The following CPLANE1 variants were observed in gnomAD, a reference collection of about 807,000 sequenced individuals.
CPLANE1 encodes ciliogenesis and planar polarity effector complex subunit 1, also known as ciliogenesis and planar polarity effector 1.
CPLANE1 carries 263 observed loss-of-function variants against 362.5 expected under a neutral mutation model. The observed-to-expected ratio is 0.73, with a 90% confidence interval of 0.66 to 0.80. The LOEUF is 0.80. Among genes scored for constraint, CPLANE1 ranks in the 30% least tolerant of loss-of-function variants. The pLI, the probability that CPLANE1 is intolerant of heterozygous loss-of-function variation, is 0.00. For synonymous variants in CPLANE1, 1,212 were observed against 1,302.6 expected (o/e 0.93, Z 1.50); for missense variants, 3,461 against 3,793.4 (o/e 0.91, Z 2.30).
At chr5:37,172,071 C>A (rs1412972720) in intron 32 of CPLANE1, among the ~76,000 whole-genome samples, 1 of 152,024 alleles carries the variant, frequency 6.6e-6, no homozygotes. Flanking sequence ...CTCAGCCACC[C>A]AAAGCACTAG....
chr5:37,208,947 A>G (rs1189140431), intron 16 of CPLANE1, among the ~76,000 whole-genome samples: 1 of 101,560 alleles, frequency 9.8e-6, no homozygotes, highest in Non-Finnish European at 2.3e-5. Flanking sequence ...GAAAAAAAAA[A>G]AGAAAAGAAA....
At chr5:37,132,150 T>G (rs1232008702) in intron 46 of CPLANE1, among the ~76,000 whole-genome samples, 2 of 152,002 alleles carry the variant, frequency 1.3e-5, no homozygotes, top group East Asian at 3.9e-4. Context: ...TAAATAGAAA[T>G]TAGTGGAATC....
intron 12 of CPLANE1, among the ~76,000 whole-genome samples, chr5:37,225,426 T>C (rs1026068590): frequency 6.6e-6 from 1 of 151,916 alleles, no homozygotes; most frequent in African/African-American, 2.4e-5. Flanking sequence ...ATTTTTTAGT[T>C]GCGGAGTTTC....
chr5:37,200,660 T>C (rs1788899561), intron 19 of CPLANE1, among the ~76,000 whole-genome samples: 1 of 152,160 alleles, frequency 6.6e-6, no homozygotes, highest in Non-Finnish European at 1.5e-5. Flanking sequence ...AAGTAATTTA[T>C]AATAACACTT....
chr5:37,202,756 T>C (rs564336677), intron 18 of CPLANE1, among the ~76,000 whole-genome samples: 7 of 152,230 alleles, frequency 4.6e-5, no homozygotes, highest in East Asian at 1.9e-4. Flanking sequence ...TTGTCTGATA[T>C]TAACATTTTT....
chr5:37,231,097 T>C (rs1182783146), intron 8 of CPLANE1, 48 bp from the exon 9 acceptor site: 1 of 1,349,362 alleles, frequency 7.4e-7, no homozygotes, highest in South Asian at 1.9e-5. Flanking sequence ...CTTTACAATG[T>C]CTATGACGAT....
At position 37,206,418 on chromosome 5, in the gene CPLANE1, G is replaced by A; in HGVS notation, c.2928C>T (p.Ser976=). The A allele has an allele frequency of 6.5e-7, 1 of 1,547,898 alleles. No individual in the cohort carries two copies. ...AGTGTTGCAGAGGAATAAGTCGAAA[G>A]GACTGCTCTGTGAGTAAATTTTTAA... The part of the protein sequence containing the change: ...LPPLHIKTEQ[S]FRLIPLQHSK... Residue 976 remains serine (S), a synonymous_variant, in exon 17 of 53, where the codon TCC becomes TCT. Transcript: ENST00000651892.
In CPLANE1 at chr5:37,232,674, CA is replaced by C. The variant is rs113308412; in HGVS notation, c.939-1626del. On this transcript the variant is annotated intron_variant, in intron 8 of 52. Transcript: ENST00000651892. ...CAACATAGCAAGACCCTGGCTCTAC[CA>C]AAAAAAAACAAAAAAACAGTCGTGG... 6.3e-5 allele frequency among the ~76,000 whole-genome samples: 9 copies of C among 143,594 alleles called. No homozygotes were observed. In the South Asian group the frequency reaches 1.3e-3, roughly 21 times the overall value. 94.2% of individuals were successfully genotyped at this position (143,594 alleles called of 152,430 possible). A position where few individuals can be genotyped will look rare whatever the true frequency, so the allele number is the denominator to read the frequency against.
intron 25 of CPLANE1, 60 bp downstream of exon 25, chr5:37,184,728 T>G: frequency 6.8e-7 from 1 of 1,466,178 alleles, no homozygotes; most frequent in Non-Finnish European, 9.3e-7. Flanking sequence ...GCTCATCAGA[T>G]GCCTGAAAGC....
At chr5:37,162,661 A>T in intron 37 of CPLANE1, 95 bp from the exon 38 acceptor site, 1 of 783,134 alleles carries the variant, frequency 1.3e-6, no homozygotes, top group Non-Finnish European at 2.1e-6. Flanking sequence ...GAAGTAAAAT[A>T]TGGGGTGTCA....
In CPLANE1 at chr5:37,114,760, C is replaced by T. The variant is rs143175058; in HGVS notation, c.9400+200G>A. Among the ~76,000 whole-genome samples, 1,090 of 151,974 alleles carry T rather than the reference C, an allele frequency of 7.2e-3. 17 individuals carry two copies. The highest frequency in any genetic ancestry group is 0.025 in the African/African-American group (1,038 of 41,426). On this transcript the variant is annotated intron_variant, in intron 51 of 52. Transcript: ENST00000651892. ...ACGAAAAATACAAAAATTAACCGGG[C>T]GCGGTGGTGGGCACCTGTAATCCCA...
At chr5:37,200,027 C>G (rs577210132) in intron 19 of CPLANE1, among the ~76,000 whole-genome samples, 82 of 152,292 alleles carry the variant, frequency 5.4e-4, no homozygotes, top group African/African-American at 1.9e-3. Context: ...TGTTAGTGGC[C>G]ATTCTGCTCC....
At chr5:37,232,839 C>CAAAAAA (rs765038993) in intron 8 of CPLANE1, among the ~76,000 whole-genome samples, 32 of 61,982 alleles carry the variant, frequency 5.2e-4, no homozygotes, top group Non-Finnish European at 6.6e-4. Flanking sequence ...GACCTTGTTG[C>CAAAAAA]AAAAAAAAAA....
chr5:37,152,468 C>A (rs937202333), intron 42 of CPLANE1, among the ~76,000 whole-genome samples: 2 of 151,850 alleles, frequency 1.3e-5, no homozygotes, highest in African/African-American at 4.8e-5. Context: ...GTTCTTTAAT[C>A]CTTTTGATAT....
At chr5:37,155,214 T>C (rs1361210105) in intron 41 of CPLANE1, among the ~76,000 whole-genome samples, 2 of 152,146 alleles carry the variant, frequency 1.3e-5, no homozygotes, top group African/African-American at 4.8e-5. Flanking sequence ...CTTCAGTGTG[T>C]CTCCAATACC....
chr5:37,133,256 CCT>C (rs1267288440), intron 46 of CPLANE1, among the ~76,000 whole-genome samples: 3 of 151,728 alleles, frequency 2.0e-5, no homozygotes, highest in Non-Finnish European at 2.9e-5. Context: ...CCATTTGGAC[CCT>C]GTTTTGGTTC....
chr5:37,133,498 G>A (rs902813112), intron 46 of CPLANE1, among the ~76,000 whole-genome samples: 1 of 85,282 alleles, frequency 1.2e-5, no homozygotes, highest in African/African-American at 3.5e-5. Flanking sequence ...TTGGTTAGAG[G>A]TGTGTGTGTG....
At chr5:37,140,179 T>C (rs1012793269) in intron 44 of CPLANE1, 2 of 868,258 alleles carry the variant, frequency 2.3e-6, no homozygotes, top group African/African-American at 3.6e-5. Flanking sequence ...TTCTTCTATA[T>C]GTTTAATTCT....
chr5:37,082,494 C>A, the CPLANE1 span, among the ~76,000 whole-genome samples: 1 of 152,112 alleles, frequency 6.6e-6, no homozygotes, highest in African/African-American at 2.4e-5. Flanking sequence ...ACACAAAGAC[C>A]AATGGAACAA....
Sources: gnomAD v4.1 joint callset for allele counts (sites outside exome capture counted in the v4.1 genomes callset) on GRCh38, gnomAD v4.1.1 for gene constraint, MANE v1.5 for transcripts, NCBI Gene and HGNC (gene_info 2026-07-23, HGNC 2026-07-21) for gene names.